The following DRC11 variants were observed in gnomAD, a reference collection of about 807,000 sequenced individuals.
The protein encoded by DRC11 is dynein regulatory complex subunit 11, also known as IQ and AAA domain-containing protein 1.
chr2:236,444,816 A>T, the DRC11 span, among the ~76,000 whole-genome samples: 1 of 152,208 alleles, frequency 6.6e-6, no homozygotes, highest in Non-Finnish European at 1.5e-5. Context: ...GTCTAGTCCC[A>T]ACTGGATTCT....
the DRC11 span, among the ~76,000 whole-genome samples, chr2:236,416,734 TATA>T: frequency 5.5e-4 from 27 of 49,172 alleles, no homozygotes; most frequent in African/African-American, 1.8e-3. Flanking sequence ...TATATATATA[TATA>T]TATATATATA....
the DRC11 span, chr2:236,380,556 G>A: frequency 1.3e-3 from 1,946 of 1,548,994 alleles, 2 homozygotes; most frequent in Non-Finnish European, 1.3e-3. The surrounding 1 kb of genome is among the most constrained non-coding windows in gnomAD (Gnocchi z 4.9). Flanking sequence ...AACACAACGA[G>A]TCCATTCCTC....
At chr2:236,419,389 G>A in the DRC11 span, 1,615 of 1,410,448 alleles carry the variant, frequency 1.1e-3, 18 homozygotes, top group African/African-American at 0.021. This position sits in a 1 kb window ranked among gnomAD's most constrained non-coding sequence, Gnocchi z 4.8. Context: ...GCCTGGCCCT[G>A]GACCCTGCAG....
chr2:236,376,294 A>G, the DRC11 span, among the ~76,000 whole-genome samples: 2 of 152,218 alleles, frequency 1.3e-5, no homozygotes, highest in Non-Finnish European at 2.9e-5. This position sits in a 1 kb window ranked among gnomAD's most constrained non-coding sequence, Gnocchi z 5.7. Flanking sequence ...ACTGTTCCTG[A>G]CGGAAGGAAT....
At chr2:236,383,647 T>G in the DRC11 span, among the ~76,000 whole-genome samples, 1 of 150,914 alleles carries the variant, frequency 6.6e-6, no homozygotes, top group Non-Finnish European at 1.5e-5. Context: ...TTTTTTTTTT[T>G]GTTTTGTTTT....
At chr2:236,358,158 A>C in the DRC11 span, among the ~76,000 whole-genome samples, 88 of 123,544 alleles carry the variant, frequency 7.1e-4, no homozygotes, top group African/African-American at 2.1e-3. Flanking sequence ...GATATATACT[A>C]TATGAATATA....
At chr2:236,411,379 T>C in the DRC11 span, among the ~76,000 whole-genome samples, 1 of 150,110 alleles carries the variant, frequency 6.7e-6, no homozygotes, top group African/African-American at 2.4e-5. Flanking sequence ...TGGCAATCAT[T>C]AAAAAGTCAG....
the DRC11 span, among the ~76,000 whole-genome samples, chr2:236,491,188 G>GTATATATATATATATATATACACACAGTA: frequency 4.0e-5 from 1 of 24,774 alleles, no homozygotes; most frequent in African/African-American, 1.6e-4. Context: ...TATACACACA[G>GTATATATATATATATATATACACACAGTA]TATATATATA....
At chr2:236,312,115 T>G in the DRC11 span, among the ~76,000 whole-genome samples, 9 of 152,188 alleles carry the variant, frequency 5.9e-5, no homozygotes, top group Non-Finnish European at 1.2e-4. Context: ...TATCCTAAGA[T>G]TCCAGATGTG....
the DRC11 span, among the ~76,000 whole-genome samples, chr2:236,498,834 C>T: frequency 6.6e-6 from 1 of 152,120 alleles, no homozygotes; most frequent in Non-Finnish European, 1.5e-5. Flanking sequence ...GTAGAGATTC[C>T]CACCTTCCCC....
At chr2:236,443,767 T>C in the DRC11 span, among the ~76,000 whole-genome samples, 2 of 152,244 alleles carry the variant, frequency 1.3e-5, no homozygotes, top group African/African-American at 4.8e-5. The surrounding 1 kb of genome is among the most constrained non-coding windows in gnomAD (Gnocchi z 4.4). Context: ...AAATGGTATT[T>C]CTGCCTCTAG....
chr2:236,312,820 A>C, the DRC11 span, among the ~76,000 whole-genome samples: 1 of 152,072 alleles, frequency 6.6e-6, no homozygotes, highest in Non-Finnish European at 1.5e-5. Context: ...TGAGGGAAAA[A>C]AGAGAAAAGG....
At chr2:236,440,991 GA>G in the DRC11 span, 5 of 1,145,974 alleles carry the variant, frequency 4.4e-6, no homozygotes, top group Non-Finnish European at 6.4e-6. Context: ...AAAGTTTAAA[GA>G]AATGTCATTT....
At chr2:236,327,380 G>A in the DRC11 span, among the ~76,000 whole-genome samples, 16,452 of 151,394 alleles carry the variant, frequency 0.11, 2,246 homozygotes, top group African/African-American at 0.32. Flanking sequence ...CTCAGCCCGG[G>A]ACTACACACG....
chr2:236,356,159 A>G, the DRC11 span, among the ~76,000 whole-genome samples: 3 of 152,116 alleles, frequency 2.0e-5, no homozygotes, highest in Non-Finnish European at 2.9e-5. Flanking sequence ...GAGGGGAGGA[A>G]AGCAGAACCT....
chr2:236,427,427 T>C, the DRC11 span, among the ~76,000 whole-genome samples: 1 of 152,164 alleles, frequency 6.6e-6, no homozygotes, highest in Admixed American at 6.5e-5. The surrounding 1 kb of genome is among the most constrained non-coding windows in gnomAD (Gnocchi z 5.9). Context: ...TTGGAAGGGT[T>C]TTGATTACTG....
At chr2:236,357,585 A>G in the DRC11 span, among the ~76,000 whole-genome samples, 1 of 126,936 alleles carries the variant, frequency 7.9e-6, no homozygotes, top group Non-Finnish European at 1.5e-5. Context: ...TATATATTAT[A>G]AATATGCATT....
the DRC11 span, chr2:236,487,956 A>G: frequency 5.7e-6 from 8 of 1,402,360 alleles, no homozygotes; most frequent in Non-Finnish European, 6.6e-6. Context: ...TCTTTAGTGT[A>G]TAAGGCACCT....
At chr2:236,335,567 G>C in the DRC11 span, among the ~76,000 whole-genome samples, 1 of 152,182 alleles carries the variant, frequency 6.6e-6, no homozygotes, top group East Asian at 1.9e-4. The surrounding 1 kb of genome is among the most constrained non-coding windows in gnomAD (Gnocchi z 5.6). Context: ...AATCCTAAGC[G>C]ATGTGTGGTG....
Sources: gnomAD v4.1 joint callset for allele counts (sites outside exome capture counted in the v4.1 genomes callset) on GRCh38, gnomAD v4.1.1 for gene constraint, Gnocchi (gnomAD v3.1) non-coding constraint, MANE v1.5 for transcripts, NCBI Gene and HGNC (gene_info 2026-07-23, HGNC 2026-07-21) for gene names.